PAK5: variants seen among roughly 807,000 people sequenced by gnomAD.
The protein encoded by PAK5 is serine/threonine-protein kinase PAK 5.
Under a neutral mutation model 65.9 loss-of-function variants are expected in PAK5, and 16 were observed. The observed-to-expected ratio is 0.24, with a 90% CI of 0.16 to 0.37. PAK5 has a LOEUF of 0.37. PAK5 is among the 10% of genes least tolerant of loss of function. PAK5 has a pLI of 1.00. For missense variants in PAK5, 785 were observed against 903.9 expected, an observed-to-expected ratio of 0.87 and a Z score of 1.69; for synonymous variants, 371 against 354.9, an observed-to-expected ratio of 1.05 and a Z score of -0.51.
At chr20:9,737,567 C>A (rs1247296812) in intron 1 of PAK5, among the ~76,000 whole-genome samples, 1 of 151,848 alleles carries the variant, frequency 6.6e-6, no homozygotes, top group Non-Finnish European at 1.5e-5. Flanking sequence ...ATCTCAATAA[C>A]TGATAGAATA....
intron 2 of PAK5, among the ~76,000 whole-genome samples, chr20:9,654,488 T>A (rs896961782): frequency 1.3e-5 from 2 of 152,216 alleles, no homozygotes; most frequent in African/African-American, 4.8e-5. Context: ...CATGTCAGCA[T>A]CATTTCTCTC....
chr20:9,589,963 T>C (rs550188161), intron 3 of PAK5, among the ~76,000 whole-genome samples: 2 of 152,204 alleles, frequency 1.3e-5, no homozygotes, highest in Non-Finnish European at 2.9e-5. Context: ...ATTTCATCTT[T>C]AAAAATCAAG....
At chr20:9,790,694 T>A (rs1174023537) in intron 1 of PAK5, among the ~76,000 whole-genome samples, 1 of 152,018 alleles carries the variant, frequency 6.6e-6, no homozygotes, top group Non-Finnish European at 1.5e-5. Flanking sequence ...AGACAGGGTA[T>A]CTTCAGGTTT....
At chr20:9,772,044 A>G (rs1450339009) in intron 1 of PAK5, among the ~76,000 whole-genome samples, 1 of 152,184 alleles carries the variant, frequency 6.6e-6, no homozygotes, top group African/African-American at 2.4e-5. Flanking sequence ...TCTCAAAACA[A>G]TAAAAAACAA....
chr20:9,813,459 GT>G (rs561507808), intron 1 of PAK5, among the ~76,000 whole-genome samples: 14 of 152,102 alleles, frequency 9.2e-5, no homozygotes, highest in Non-Finnish European at 1.2e-4. Context: ...GACAGAAAAA[GT>G]TTAAATAGGC....
chr20:9,696,118 A>G (rs1385918501), intron 2 of PAK5, among the ~76,000 whole-genome samples: 2 of 152,124 alleles, frequency 1.3e-5, no homozygotes, highest in African/African-American at 4.8e-5. Flanking sequence ...TAACCCAGCC[A>G]TAGACAGTTA....
intron 1 of PAK5, among the ~76,000 whole-genome samples, chr20:9,817,535 A>C (rs2123765797): frequency 6.6e-6 from 1 of 152,358 alleles, no homozygotes; most frequent in East Asian, 1.9e-4. Context: ...GAAAGATAAC[A>C]GAAAATAAAC....
At chr20:9,730,606 G>A (rs773422291) in intron 1 of PAK5, among the ~76,000 whole-genome samples, 2 of 152,204 alleles carry the variant, frequency 1.3e-5, no homozygotes, top group African/African-American at 2.4e-5. Context: ...TTTGTAAAAG[G>A]TAGAAAGCTC....
intron 2 of PAK5, among the ~76,000 whole-genome samples, chr20:9,684,337 G>T (rs1458482248): frequency 1.3e-5 from 2 of 152,202 alleles, no homozygotes; most frequent in African/African-American, 4.8e-5. Flanking sequence ...GTATGAAGAA[G>T]AAACTCCTAT....
chr20:9,707,577 G>T (rs540584786), intron 2 of PAK5, among the ~76,000 whole-genome samples: 3 of 152,280 alleles, frequency 2.0e-5, no homozygotes, highest in African/African-American at 7.2e-5. Context: ...AGGAGGTACA[G>T]TCTATTTCCA....
chr20:9,708,509 A>G (rs1408778824), intron 2 of PAK5, among the ~76,000 whole-genome samples: 1 of 152,166 alleles, frequency 6.6e-6, no homozygotes, highest in African/African-American at 2.4e-5. Flanking sequence ...AATAAATGAT[A>G]GCTCTATTCA....
At position 9,538,849 on chromosome 20, in the gene PAK5, G is replaced by A; in HGVS notation, c.*613C>T. ...TTACTAAAGCTGACGGTGATTGAGA[G>A]TCATTCAGTATTCAAAGTTCCTAAA... On this transcript the variant is annotated 3_prime_UTR_variant, in exon 10 of 10. Coordinates refer to ENST00000353224, the MANE Select transcript of PAK5 (RefSeq NM_177990.4). 4.3e-6 allele frequency: 1 copy of A among 233,208 alleles called. No individual in the cohort carries two copies. The highest frequency in any genetic ancestry group is 2.2e-5 in the African/African-American group (1 of 45,398). 14.4% of individuals were successfully genotyped at this position (233,208 alleles called of 1,614,324 possible). A position where few individuals can be genotyped will look rare whatever the true frequency, so the allele number is the denominator to read the frequency against.
chr20:9,661,860 G>T (rs2047351546), intron 2 of PAK5, among the ~76,000 whole-genome samples: 2 of 152,080 alleles, frequency 1.3e-5, no homozygotes, highest in South Asian at 4.1e-4. Flanking sequence ...GGGGCCAAAA[G>T]CCTATGGCTC....
chr20:9,837,385 A>G (rs1979235699), intron 1 of PAK5, among the ~76,000 whole-genome samples: 1 of 152,246 alleles, frequency 6.6e-6, no homozygotes, highest in African/African-American at 2.4e-5. Flanking sequence ...GTGTGAGTGC[A>G]GAGGAAACTG....
intron 3 of PAK5, among the ~76,000 whole-genome samples, chr20:9,618,544 T>G (rs1041972141): frequency 6.6e-6 from 1 of 151,642 alleles, no homozygotes; most frequent in Non-Finnish European, 1.5e-5. Flanking sequence ...GTAGCTGAGA[T>G]TGCAGGCATG....
chr20:9,592,409 C>G (rs1404804294), intron 3 of PAK5, among the ~76,000 whole-genome samples: 1 of 152,008 alleles, frequency 6.6e-6, no homozygotes, highest in Non-Finnish European at 1.5e-5. Context: ...TACTAGTTAC[C>G]CCTAGGGGAA....
intron 2 of PAK5, among the ~76,000 whole-genome samples, chr20:9,665,018 T>C (rs1484277586): frequency 2.0e-5 from 3 of 148,844 alleles, no homozygotes; most frequent in Non-Finnish European, 4.4e-5. Flanking sequence ...CAAGTGATCC[T>C]CCCACCTCAG....
At chr20:9,809,741 A>T (rs2049276155) in intron 1 of PAK5, among the ~76,000 whole-genome samples, 1 of 152,146 alleles carries the variant, frequency 6.6e-6, no homozygotes, top group Non-Finnish European at 1.5e-5. Context: ...ATTTAAACCA[A>T]CTTTATATTG....
chr20:9,684,864 G>A lies in PAK5; in HGVS notation c.-12+26422C>T, dbSNP rs565762758. On this transcript the variant is annotated intron_variant, in intron 2 of 9. Transcript: ENST00000353224. ...CTGATGTCCACTGGGGATCTTTGGG[G>A]TGGAAGTGGGGAGTATGCCTGCCTT... Among the ~76,000 whole-genome samples, 3 of 152,314 alleles carry A rather than the reference G, an allele frequency of 2.0e-5. No individual in the cohort carries two copies. In the East Asian group the frequency reaches 5.8e-4, roughly 29 times the overall value.
Sources: allele counts gnomAD v4.1 joint callset (sites outside exome capture counted in the v4.1 genomes callset), GRCh38; gene constraint gnomAD v4.1.1; transcripts MANE v1.5; gene names NCBI Gene and HGNC (gene_info 2026-07-23, HGNC 2026-07-21).